The following ACP3 variants were observed in gnomAD, a reference collection of about 807,000 sequenced individuals.
The protein encoded by ACP3 is prostatic acid phosphatase.
Under a neutral mutation model 45.6 loss-of-function variants are expected in ACP3, and 38 were observed. That is an observed-to-expected ratio of 0.83 (90% confidence interval 0.64 to 1.09). The LOEUF (loss-of-function observed/expected upper bound fraction) is 1.09. ACP3 is among the 50% of genes least tolerant of loss of function. ACP3 has a pLI of 0.00. For missense variants in ACP3, 466 were observed against 463.2 expected, an observed-to-expected ratio of 1.01 and a Z score of -0.05; for synonymous variants, 162 against 164.7, an observed-to-expected ratio of 0.98 and a Z score of 0.13.
intron 8 of ACP3, among the ~76,000 whole-genome samples, chr3:132,350,795 T>G (rs2107813551): frequency 6.6e-6 from 1 of 152,282 alleles, no homozygotes; most frequent in East Asian, 1.9e-4. Flanking sequence ...CAGTGTTTGC[T>G]CAGGGAAGGC....
chr3:132,350,523 T>C (rs1937703844), intron 8 of ACP3, among the ~76,000 whole-genome samples: 1 of 152,204 alleles, frequency 6.6e-6, no homozygotes, highest in East Asian at 1.9e-4. Context: ...TTTAAATTAA[T>C]TATGATTAAG....
At chr3:132,328,185 G>GA (rs368525246) in intron 1 of ACP3, 82 bp from the exon 2 acceptor site, 97,974 of 851,144 alleles carry the variant, frequency 0.12, 34 homozygotes, top group South Asian at 0.14. Flanking sequence ...CAATGAGTTA[G>GA]AAAAAAAAAA....
chr3:132,330,703 G>A (rs1937384506), intron 2 of ACP3, among the ~76,000 whole-genome samples: 1 of 152,138 alleles, frequency 6.6e-6, no homozygotes, highest in Non-Finnish European at 1.5e-5. Context: ...ACAAGCAAAT[G>A]ACAAGTGGGA....
chr3:132,354,991 G>A (rs1937846954), intron 9 of ACP3, among the ~76,000 whole-genome samples: 1 of 152,138 alleles, frequency 6.6e-6, no homozygotes, highest in Non-Finnish European at 1.5e-5. Flanking sequence ...GATTTTTGAA[G>A]TCTTAACCCA....
At chr3:132,338,292 TC>T (rs1937519162) in intron 5 of ACP3, among the ~76,000 whole-genome samples, 2 of 151,624 alleles carry the variant, frequency 1.3e-5, no homozygotes, top group Non-Finnish European at 2.9e-5. Context: ...TTTTTTTTTT[TC>T]CATTTAAGAA....
At chr3:132,354,618 G>T (rs1937835055) in intron 9 of ACP3, among the ~76,000 whole-genome samples, 1 of 152,146 alleles carries the variant, frequency 6.6e-6, no homozygotes, top group South Asian at 2.1e-4. Context: ...ACTGTGAAGT[G>T]ATCTCACATT....
chr3:132,367,722 C>A lies in ACP3; in HGVS notation c.1157C>A (p.Ala386Asp). 1.9e-6 allele frequency: 3 copies of A among 1,612,322 alleles called. No individual in the cohort carries two copies. In the Admixed American group the frequency reaches 5.0e-5, roughly 27 times the overall value. ...CCCACAGTTCTAAAGGTCATCTTTGCTGTTGCCTTTTGCCTGATATCTGCT... is the reference window on the plus strand; with the variant it reads ...CCCACAGTTCTAAAGGTCATCTTTGATGTTGCCTTTTGCCTGATATCTGCT... The change falls in exon 11 of 11, where the codon GCT becomes GAT. Residue 386 changes from alanine to aspartate, a missense_variant. Ala to Asp is a moderately radical substitution (Grantham distance 126). Transcript: ENST00000351273.
intron 2 of ACP3, among the ~76,000 whole-genome samples, chr3:132,330,689 T>G (rs1399778464): frequency 6.6e-6 from 1 of 152,074 alleles, no homozygotes; most frequent in Non-Finnish European, 1.5e-5. Context: ...AAATGACAAG[T>G]GTGACAAGCA....
intron 10 of ACP3, among the ~76,000 whole-genome samples, chr3:132,367,255 A>G (rs1475013131): frequency 6.6e-6 from 1 of 152,232 alleles, no homozygotes; most frequent in Non-Finnish European, 1.5e-5. Context: ...TAGAGACAAA[A>G]TGTGCACAAG....
chr3:132,364,935 C>T (rs1938106501), intron 10 of ACP3, among the ~76,000 whole-genome samples: 1 of 152,214 alleles, frequency 6.6e-6, no homozygotes, highest in African/African-American at 2.4e-5. Flanking sequence ...TTCTTTCCCT[C>T]TTCAATTTCA....
At chr3:132,361,708 C>A (rs56316514), downstream of ACP3, among the ~76,000 whole-genome samples, 13,270 of 152,230 alleles carry the variant, frequency 0.087, 1,290 homozygotes, top group East Asian at 0.51. Flanking sequence ...ATTTTGTTTT[C>A]TTTATTCTTA....
chr3:132,328,393 A>C (rs569834306), intron 2 of ACP3, 31 bp downstream of exon 2: 1 of 1,584,616 alleles, frequency 6.3e-7, no homozygotes, highest in African/African-American at 1.3e-5. Flanking sequence ...AAGATTGTTG[A>C]TGAAGCTGGG....
At chr3:132,342,727 T>C (rs1221905720) in intron 6 of ACP3, 83 bp downstream of exon 6, 1 of 825,830 alleles carries the variant, frequency 1.2e-6, no homozygotes, top group Non-Finnish European at 1.9e-6. Context: ...ATATCTTTTC[T>C]TTCACTTCTT....
chr3:132,345,551 T>A (rs1937599821), intron 7 of ACP3, among the ~76,000 whole-genome samples: 1 of 152,236 alleles, frequency 6.6e-6, no homozygotes, highest in South Asian at 2.1e-4. Context: ...TGAAAGCCGA[T>A]AAAATATATT....
chr3:132,317,958 C>T (rs1219678035), intron 1 of ACP3, among the ~76,000 whole-genome samples: 1 of 152,112 alleles, frequency 6.6e-6, no homozygotes, highest in East Asian at 1.9e-4. Context: ...TGTTTGCAAG[C>T]CAAAAAACAG....
intron 7 of ACP3, 146 bp from the exon 8 acceptor site, chr3:132,349,774 A>C (rs1937677089): frequency 1.6e-6 from 1 of 625,328 alleles, no homozygotes; most frequent in Non-Finnish European, 2.8e-6. Context: ...CCTAGCACAG[A>C]GCAGATGCTC....
At chr3:132,320,652 GTTTT>G (rs5852699) in intron 1 of ACP3, among the ~76,000 whole-genome samples, 1 of 133,046 alleles carries the variant, frequency 7.5e-6, no homozygotes, top group African/African-American at 2.9e-5. Flanking sequence ...ATATTCTTGG[GTTTT>G]TTTTTTTTTT....
intron 7 of ACP3, among the ~76,000 whole-genome samples, chr3:132,347,422 A>T (rs1937622086): frequency 6.6e-6 from 1 of 151,984 alleles, no homozygotes; most frequent in African/African-American, 2.4e-5. Flanking sequence ...CCATCTTCTG[A>T]CCTTTGCTAG....
At chr3:132,334,960 T>C (rs1006989251) in intron 4 of ACP3, among the ~76,000 whole-genome samples, 5 of 151,968 alleles carry the variant, frequency 3.3e-5, no homozygotes, top group African/African-American at 4.8e-5. Context: ...TTTGTGAAAG[T>C]CAAGTTAGTT....
Sources: allele counts gnomAD v4.1 joint callset (sites outside exome capture counted in the v4.1 genomes callset), GRCh38; gene constraint gnomAD v4.1.1; transcripts MANE v1.5; gene names NCBI Gene and HGNC (gene_info 2026-07-23, HGNC 2026-07-21).